Variants in NTRK3 observed in about 807,000 individuals in gnomAD.
NTRK3 encodes NT-3 growth factor receptor.
Under a neutral mutation model 91.7 loss-of-function variants are expected in NTRK3, and 24 were observed. The observed-to-expected ratio is 0.26, with a 90% CI of 0.19 to 0.37. The LOEUF is 0.37. Among genes scored for constraint, NTRK3 ranks in the 10% least tolerant of loss-of-function variants. The pLI is 1.00. For missense variants in NTRK3, 880 were observed against 1,068.9 expected (o/e 0.82, Z 2.46); for synonymous variants, 483 against 404.0 (o/e 1.20, Z -2.34).
intron 4 of NTRK3, 89 bp from the exon 5 acceptor site, chr15:88,183,578 G>C: frequency 2.5e-6 from 3 of 1,215,548 alleles, no homozygotes; most frequent in Admixed American, 1.7e-5. Flanking sequence ...TGAGGCTAAG[G>C]CTGGCCCTGC....
At chr15:87,888,911 C>T (rs1384503709) in intron 17 of NTRK3, among the ~76,000 whole-genome samples, 1 of 152,196 alleles carries the variant, frequency 6.6e-6, no homozygotes, top group Non-Finnish European at 1.5e-5. Context: ...GCTGGGCTTT[C>T]TGCACGTGTG....
intron 14 of NTRK3, among the ~76,000 whole-genome samples, chr15:87,974,845 C>T (rs1387390065): frequency 1.3e-5 from 2 of 152,110 alleles, no homozygotes; most frequent in South Asian, 2.1e-4. Context: ...CCCTGAAGAC[C>T]CCTGAAAGAC....
Position 88,178,658 on chromosome 15 carries a change from T to C in NTRK3, c.395+4760A>G, listed in dbSNP as rs1484809944. Among the ~76,000 whole-genome samples the C allele has an allele frequency of 3.9e-5, 6 of 152,260 alleles. No individual in the cohort carries two copies. In the South Asian group the frequency reaches 1.2e-3, roughly 31 times the overall value. ...AACTCTAGGGATTAAATAAATTCTC[T>C]TGGCTTGCTGGAATCTTACATTAAA... On this transcript the variant is annotated intron_variant, in intron 5 of 18. Coordinates refer to ENST00000394480, the Ensembl canonical transcript of NTRK3.
chr15:88,197,094 C>CAAGA (rs2047891236), intron 3 of NTRK3, among the ~76,000 whole-genome samples: 1 of 56,510 alleles, frequency 1.8e-5, no homozygotes, highest in Non-Finnish European at 3.6e-5. Flanking sequence ...TTGAGCAGGA[C>CAAGA]AAAAAAAAAA....
At chr15:88,200,991 T>A (rs2048256655) in intron 3 of NTRK3, among the ~76,000 whole-genome samples, 1 of 152,208 alleles carries the variant, frequency 6.6e-6, no homozygotes, top group Non-Finnish European at 1.5e-5. Context: ...GGGACTCAAG[T>A]CCTGCTCACA....
chr15:88,112,518 G>A (rs1597382408), intron 13 of NTRK3, among the ~76,000 whole-genome samples: 1 of 119,978 alleles, frequency 8.3e-6, no homozygotes, highest in Admixed American at 7.8e-5. Context: ...GCGAGGGACT[G>A]CCTTCTGCCT....
chr15:88,248,352 A>T (rs1471489192), intron 3 of NTRK3, among the ~76,000 whole-genome samples: 3 of 152,188 alleles, frequency 2.0e-5, no homozygotes, highest in Non-Finnish European at 4.4e-5. Flanking sequence ...AGTGTTGGCC[A>T]CACTGTTTGG....
intron 14 of NTRK3, among the ~76,000 whole-genome samples, chr15:87,997,336 C>T (rs748587095): frequency 5.3e-5 from 8 of 152,236 alleles, no homozygotes; most frequent in Non-Finnish European, 1.2e-4. Context: ...AGAGAGAAGG[C>T]GATGAAGCAT....
intron 14 of NTRK3, among the ~76,000 whole-genome samples, chr15:87,983,924 C>A (rs1342611382): frequency 6.6e-6 from 1 of 152,096 alleles, no homozygotes; most frequent in Admixed American, 6.5e-5. Flanking sequence ...CCTCCCCTGG[C>A]CAACCCTGGT....
chr15:88,195,912 C>T (rs2047775187), intron 3 of NTRK3, among the ~76,000 whole-genome samples: 1 of 152,090 alleles, frequency 6.6e-6, no homozygotes, highest in Non-Finnish European at 1.5e-5. Flanking sequence ...CTTTGGGTGG[C>T]CAATTTCCTT....
rs143365932 is a variant in NTRK3 at position 87,921,169 on chromosome 15, T to C, written c.2133+8022A>G. ...GAAAACCACTTCCTCGGGAATGGAATACAACGCTCCTCCATTGTTCTCCTC... is the reference window on the plus strand; with the variant it reads ...GAAAACCACTTCCTCGGGAATGGAACACAACGCTCCTCCATTGTTCTCCTC... On this transcript the variant is annotated intron_variant, in intron 17 of 18. Transcript: ENST00000394480. Among the ~76,000 whole-genome samples, 940 of 152,286 alleles carry C rather than the reference T, an allele frequency of 6.2e-3. 6 individuals carry two copies. Among genetic ancestry groups the C allele is most frequent in the Non-Finnish European group, 7.1e-3 (484 of 68,012 alleles).
chr15:88,083,518 G>A (rs567015704), intron 13 of NTRK3, among the ~76,000 whole-genome samples: 263 of 152,218 alleles, frequency 1.7e-3, no homozygotes, highest in African/African-American at 6.2e-3. Flanking sequence ...CACCGCGCCC[G>A]GCCAGGAGTT....
intron 13 of NTRK3, among the ~76,000 whole-genome samples, chr15:88,054,664 C>G (rs577981588): frequency 1.3e-5 from 2 of 151,956 alleles, no homozygotes; most frequent in African/African-American, 4.8e-5. Context: ...GAGGGCAACC[C>G]CAGAGATGAG....
intron 6 of NTRK3, among the ~76,000 whole-genome samples, chr15:88,145,247 C>T (rs1051600469): frequency 6.6e-6 from 1 of 152,218 alleles, no homozygotes; most frequent in South Asian, 2.1e-4. Context: ...TAAGAGCCAA[C>T]ACGCGGCCCC....
In NTRK3 at chr15:88,042,510, C is replaced by T. The variant is rs1254104412; in HGVS notation, c.1397-9465G>A. On this transcript the variant is annotated intron_variant, in intron 13 of 18. Coordinates refer to ENST00000394480, the Ensembl canonical transcript of NTRK3. ...AGGCAGCACAGCAAGGCCTGCCCTC[C>T]GCACTTCTCCGCTCCTCTCCCTGAA... is the stretch of plus-strand genomic sequence containing the variant. 4.6e-5 allele frequency among the ~76,000 whole-genome samples: 7 copies of T among 152,302 alleles called. No homozygotes were observed. The East Asian group carries it at 9.7e-4, about 21-fold the overall frequency.
intron 6 of NTRK3, among the ~76,000 whole-genome samples, chr15:88,141,933 C>A (rs1386657652): frequency 5.3e-5 from 8 of 152,216 alleles, no homozygotes; most frequent in Admixed American, 3.3e-4. Flanking sequence ...TCCTTTGTTC[C>A]AACTGAGTTT....
chr15:88,121,735 T>C (rs2151067460), intron 13 of NTRK3, among the ~76,000 whole-genome samples: 1 of 152,356 alleles, frequency 6.6e-6, no homozygotes, highest in African/African-American at 2.4e-5. Context: ...TCCAGGGCCC[T>C]GCTCCAGCAG....
At chr15:88,251,280 C>A (rs978127751) in intron 3 of NTRK3, among the ~76,000 whole-genome samples, 33 of 152,186 alleles carry the variant, frequency 2.2e-4, no homozygotes, top group African/African-American at 7.7e-4. Context: ...CCAGGAGATG[C>A]CCTTAAAAGT....
chr15:88,082,855 TACACA>T (rs2048179013), intron 13 of NTRK3, among the ~76,000 whole-genome samples: 1 of 152,196 alleles, frequency 6.6e-6, no homozygotes, highest in South Asian at 2.1e-4. Flanking sequence ...TTATCTCTTT[TACACA>T]GGGGCTTCCA....
Sources: allele counts gnomAD v4.1 joint callset (sites outside exome capture counted in the v4.1 genomes callset), GRCh38; gene constraint gnomAD v4.1.1; transcripts MANE v1.5; gene names NCBI Gene and HGNC (gene_info 2026-07-23, HGNC 2026-07-21).